Variants in SLC35B3 observed in about 807,000 individuals in gnomAD.
SLC35B3 encodes the protein adenosine 3'-phospho 5'-phosphosulfate transporter 2.
SLC35B3 carries 35 observed loss-of-function variants against 44.1 expected under a neutral mutation model. That is an observed-to-expected ratio of 0.79 (90% CI 0.61 to 1.05). The LOEUF (loss-of-function observed/expected upper bound fraction) is 1.05. Ranked by LOEUF, SLC35B3 falls within the 50% of genes least tolerant of loss-of-function variation. SLC35B3 has a pLI of 0.00. For missense variants in SLC35B3, 414 were observed against 476.4 expected (o/e 0.87, Z 1.22); for synonymous variants, 146 against 167.3 (o/e 0.87, Z 0.98).
In SLC35B3 at chr6:8,420,716, CT is replaced by C; in HGVS notation, c.682+4del. 1 of 1,604,048 alleles carries C rather than the reference CT, an allele frequency of 6.2e-7. No individual in the cohort carries two copies. Among genetic ancestry groups the C allele is most frequent in the South Asian group, 1.1e-5 (1 of 90,008 alleles). Reference sequence around the variant, plus strand: ...AAAAGCTAGGAATATAAATAAATTACTTACCCGTCAGGTTGAAATTTGGTGC... The same window carrying C: ...AAAAGCTAGGAATATAAATAAATTACTACCCGTCAGGTTGAAATTTGGTGC... On this transcript the variant is annotated splice_donor_region_variant and intron_variant, in intron 6 of 10. Coordinates refer to ENST00000644923, the MANE Select transcript of SLC35B3 (RefSeq NM_001370476.2). The surrounding 1 kb of genome is among the most constrained non-coding windows in gnomAD (Gnocchi z 4.4).
In SLC35B3 at chr6:8,422,469, C is replaced by A. The variant is rs1319391482; in HGVS notation, c.574+1G>T. ...AGTATAAAAACATATCATTACTATA[C>A]CTTGAATAAAAACTCCTCCTAGCAT... is the stretch of plus-strand genomic sequence containing the variant. On this transcript the variant is annotated splice_donor_variant, in intron 5 of 10. Transcript: ENST00000644923. LOFTEE classifies it high-confidence loss of function. The A allele has an allele frequency of 6.2e-6, 10 of 1,608,850 alleles. No individual in the cohort carries two copies. The highest frequency in any genetic ancestry group is 1.7e-5 in the Admixed American group (1 of 59,830).
At position 8,411,601 on chromosome 6, in the gene SLC35B3, A is replaced by G. The variant is rs952816993; in HGVS notation, c.*1948T>C. ...CCAGGAAAAATTTTAAATGATTACC[A>G]CTTGGGAAAAAACAATGGCTGTATT... On this transcript the variant is annotated 3_prime_UTR_variant, in exon 11 of 11. Coordinates refer to ENST00000644923, the MANE Select transcript of SLC35B3 (RefSeq NM_001370476.2). Among the ~76,000 whole-genome samples, 1 of 152,150 alleles carries G rather than the reference A, an allele frequency of 6.6e-6. No individual in the cohort carries two copies. Among genetic ancestry groups the G allele is most frequent in the East Asian group, 1.9e-4 (1 of 5,186 alleles).
chr6:8,434,574 G>C lies in SLC35B3; in HGVS notation c.-43-144C>G. 1 of 499,478 alleles carries C rather than the reference G, an allele frequency of 2.0e-6. No individual in the cohort carries two copies. Among genetic ancestry groups the C allele is most frequent in the Non-Finnish European group, 3.3e-6 (1 of 300,020 alleles). The allele number at this position is 499,478 out of a possible 1,614,324, so 30.9% of individuals were successfully genotyped here. Reference sequence around the variant, plus strand: ...TTCCAAGAGAAAAAGTTAACACTAGGACTTTATATATTAAGTAATTAAGTA... The same window carrying C: ...TTCCAAGAGAAAAAGTTAACACTAGCACTTTATATATTAAGTAATTAAGTA... On this transcript the variant is annotated intron_variant, in intron 1 of 10. Coordinates refer to ENST00000644923, the MANE Select transcript of SLC35B3 (RefSeq NM_001370476.2). This position sits in a 1 kb window ranked among gnomAD's most constrained non-coding sequence, Gnocchi z 6.3.
rs1316691190 is a variant in SLC35B3, at chr6:8,434,960, A to AT, written c.-44+382_-44+383insA. ...AGAGTACCTTGGAGTGCCCCTATTT[A>AT]ATAAACACGGAACGAGGAAACAGTT... On this transcript the variant is annotated intron_variant, in intron 1 of 10. Coordinates refer to ENST00000644923, the MANE Select transcript of SLC35B3 (RefSeq NM_001370476.2). This position sits in a 1 kb window ranked among gnomAD's most constrained non-coding sequence, Gnocchi z 6.3. 2 of 560,664 alleles carry AT rather than the reference A, an allele frequency of 3.6e-6. No homozygotes were observed. The highest frequency in any genetic ancestry group is 4.0e-5 in the African/African-American group (2 of 49,976). 34.7% of individuals were successfully genotyped at this position (560,664 alleles called of 1,614,324 possible). A position where few individuals can be genotyped will look rare whatever the true frequency, so the allele number is the denominator to read the frequency against.
At chr6:8,415,154 G>C (rs1445425310) in intron 9 of SLC35B3, among the ~76,000 whole-genome samples, 177 bp from the exon 9 acceptor site, 2 of 152,148 alleles carry the variant, frequency 1.3e-5, no homozygotes, top group Non-Finnish European at 2.9e-5. Context: ...ACTGTTCCCT[G>C]TTACTATGGA....
Position 8,432,174 on chromosome 6 carries a change from G to T in SLC35B3, c.4-2017C>A, listed in dbSNP as rs1764051477. Reference sequence around the variant, plus strand: ...ACCAAATAAACTGATCCTTCCTCTTGATACCCTCAAACTTCAGCTTGCAAT... The same window carrying T: ...ACCAAATAAACTGATCCTTCCTCTTTATACCCTCAAACTTCAGCTTGCAAT... On this transcript the variant is annotated intron_variant, in intron 2 of 10. Coordinates refer to ENST00000644923, the MANE Select transcript of SLC35B3 (RefSeq NM_001370476.2). This position sits in a 1 kb window ranked among gnomAD's most constrained non-coding sequence, Gnocchi z 4.8. Among the ~76,000 whole-genome samples the T allele has an allele frequency of 6.6e-6, 1 of 151,862 alleles. No individual in the cohort carries two copies. Among genetic ancestry groups the T allele is most frequent in the Non-Finnish European group, 1.5e-5 (1 of 68,002 alleles).
chr6:8,434,829 T>C lies in SLC35B3; in HGVS notation c.-43-399A>G, dbSNP rs558660639. Among the ~76,000 whole-genome samples, 79 of 152,310 alleles carry C rather than the reference T, an allele frequency of 5.2e-4. No homozygotes were observed. The highest frequency in any genetic ancestry group is 1.6e-3 in the Admixed American group (24 of 15,294). On this transcript the variant is annotated intron_variant, in intron 1 of 10. Transcript: ENST00000644923. The surrounding 1 kb of genome is among the most constrained non-coding windows in gnomAD (Gnocchi z 6.3). ...TAAAAAGACGGGAGAGATAATTCAGTTGCAAAGACTGGAGGAAACTTGCAG... is the reference window on the plus strand; with the variant it reads ...TAAAAAGACGGGAGAGATAATTCAGCTGCAAAGACTGGAGGAAACTTGCAG...
At chr6:8,418,554 C>CA (rs751859093) in intron 7 of SLC35B3, among the ~76,000 whole-genome samples, 27,463 of 116,416 alleles carry the variant, frequency 0.24, 2,618 homozygotes, top group East Asian at 0.32. Context: ...ACACTACTTG[C>CA]AAAAAAAAAA....
chr6:8,425,229 T>C (rs1024966390), intron 4 of SLC35B3, among the ~76,000 whole-genome samples: 3 of 152,192 alleles, frequency 2.0e-5, no homozygotes, highest in South Asian at 2.1e-4. Context: ...TGCATCATCA[T>C]TGTATCATTT....
rs1168101766 is a variant in SLC35B3, at chr6:8,432,332, T to A, written c.3+2053A>T. ...TAATGCTTACATATTTACACATACA[T>A]ACAGAATAAATAAAACTTCTAGAAA... On this transcript the variant is annotated intron_variant, in intron 2 of 10. Coordinates refer to ENST00000644923, the MANE Select transcript of SLC35B3 (RefSeq NM_001370476.2). This position sits in a 1 kb window ranked among gnomAD's most constrained non-coding sequence, Gnocchi z 4.8. Among the ~76,000 whole-genome samples, 3 of 152,044 alleles carry A rather than the reference T, an allele frequency of 2.0e-5. No homozygotes were observed. Among genetic ancestry groups the A allele is most frequent in the Non-Finnish European group, 4.4e-5 (3 of 68,004 alleles).
rs1764138617 is a variant in SLC35B3, at chr6:8,433,036, A to C, written c.3+1349T>G. The stretch of plus-strand genomic sequence containing the variant: ...TTAACAGTACCTAGTATGAAACACA[A>C]GCTAAAAATCTGGGAGTCATCTTAA... On this transcript the variant is annotated intron_variant, in intron 2 of 10. Transcript: ENST00000644923. This position sits in a 1 kb window ranked among gnomAD's most constrained non-coding sequence, Gnocchi z 4.1. 6.6e-6 allele frequency among the ~76,000 whole-genome samples: 1 copy of C among 152,180 alleles called. No homozygotes were observed. Among genetic ancestry groups the C allele is most frequent in the African/African-American group, 2.4e-5 (1 of 41,450 alleles).
At chr6:8,431,316 A>G (rs1179207650) in intron 2 of SLC35B3, among the ~76,000 whole-genome samples, 2 of 152,238 alleles carry the variant, frequency 1.3e-5, no homozygotes, top group African/African-American at 2.4e-5. Context: ...ACGAAGAGAA[A>G]TAAGAATAAT....
chr6:8,435,522 C>T lies in SLC35B3; in HGVS notation c.-223G>A, dbSNP rs747220694. ...CCGGAAAGCACTCTCAACTCCGGCG[C>T]CCGCAGGCCACTTCCGCCTATGTGT... On this transcript the variant is annotated 5_prime_UTR_variant, in exon 1 of 11. Coordinates refer to ENST00000644923, the MANE Select transcript of SLC35B3 (RefSeq NM_001370476.2). The surrounding 1 kb of genome is among the most constrained non-coding windows in gnomAD (Gnocchi z 5.5). The T allele has an allele frequency of 3.3e-4, 176 of 538,622 alleles. 2 individuals carry two copies. Among genetic ancestry groups the T allele is most frequent in the South Asian group, 1.6e-3 (89 of 54,916 alleles). The allele number at this position is 538,622 out of a possible 1,614,324, so 33.4% of individuals were successfully genotyped here. A position where few individuals can be genotyped will look rare whatever the true frequency, so the allele number is the denominator to read the frequency against.
chr6:8,434,423 A>T lies in SLC35B3; in HGVS notation c.-36T>A, dbSNP rs1185565276. The T allele has an allele frequency of 6.2e-7, 1 of 1,612,366 alleles. No homozygotes were observed. Among genetic ancestry groups the T allele is most frequent in the South Asian group, 1.1e-5 (1 of 90,938 alleles). ...CTTGATTAACTGCGCTCCGGAATCA[A>T]TCATGGCCTATGGTGTACGATTATA... On this transcript the variant is annotated 5_prime_UTR_variant, in exon 2 of 11. Coordinates refer to ENST00000644923, the MANE Select transcript of SLC35B3 (RefSeq NM_001370476.2). The surrounding 1 kb of genome is among the most constrained non-coding windows in gnomAD (Gnocchi z 6.3).
intron 4 of SLC35B3, 110 bp downstream of exon 3, chr6:8,427,827 C>T (rs935265688): frequency 9.4e-6 from 8 of 851,552 alleles, no homozygotes; most frequent in South Asian, 4.0e-5. Context: ...ACTAAGAGTT[C>T]GTGCCTATCA....
Position 8,435,226 on chromosome 6 carries a change from A to G in SLC35B3, c.-44+117T>C. 2.3e-6 allele frequency: 3 copies of G among 1,289,086 alleles called. No individual in the cohort carries two copies. Among genetic ancestry groups the G allele is most frequent in the Non-Finnish European group, 2.0e-6 (2 of 988,802 alleles). The allele number at this position is 1,289,086 out of a possible 1,614,324, so 79.9% of individuals were successfully genotyped here. ...GGAATCACCCGTTTCTTCCATCCCGACCTCATCCATTCCTCGAACGCTCCT... is the reference window on the plus strand; with the variant it reads ...GGAATCACCCGTTTCTTCCATCCCGGCCTCATCCATTCCTCGAACGCTCCT... On this transcript the variant is annotated intron_variant, in intron 1 of 10. Transcript: ENST00000644923. The surrounding 1 kb of genome is among the most constrained non-coding windows in gnomAD (Gnocchi z 5.5).
At chr6:8,427,758 A>G in intron 4 of SLC35B3, 179 bp downstream of exon 3, 1 of 462,098 alleles carries the variant, frequency 2.2e-6, no homozygotes, top group South Asian at 4.2e-5. Flanking sequence ...ACTGCATTTA[A>G]GACTTTATTT....
chr6:8,434,119 A>G lies in SLC35B3; in HGVS notation c.3+266T>C, dbSNP rs1276055508. 6.6e-6 allele frequency among the ~76,000 whole-genome samples: 1 copy of G among 151,832 alleles called. No individual in the cohort carries two copies. The highest frequency in any genetic ancestry group is 2.4e-5 in the African/African-American group (1 of 41,338). On this transcript the variant is annotated intron_variant, in intron 2 of 10. Transcript: ENST00000644923. This position sits in a 1 kb window ranked among gnomAD's most constrained non-coding sequence, Gnocchi z 6.3. ...AATTCAACACAGATATTCAACTTCA[A>G]CTGCTAAAATGGAATAAAAAGGTAG...
At chr6:8,431,755 C>T (rs942029287) in intron 2 of SLC35B3, among the ~76,000 whole-genome samples, 1 of 152,140 alleles carries the variant, frequency 6.6e-6, no homozygotes, top group Non-Finnish European at 1.5e-5. Flanking sequence ...CAAACCTGTG[C>T]TTGAATGTAG....
Sources: gnomAD v4.1 joint callset for allele counts (sites outside exome capture counted in the v4.1 genomes callset) on GRCh38, gnomAD v4.1.1 for gene constraint, Gnocchi (gnomAD v3.1) non-coding constraint, MANE v1.5 for transcripts, NCBI Gene and HGNC (gene_info 2026-07-23, HGNC 2026-07-21) for gene names.